Variants in SNX10 observed in about 807,000 individuals in gnomAD.
SNX10 encodes the protein sorting nexin-10.
A neutral mutation model predicts 28.5 loss-of-function variants in SNX10; 25 were observed. The observed-to-expected ratio is 0.88, with a 90% CI of 0.64 to 1.22. The LOEUF (loss-of-function observed/expected upper bound fraction) is 1.22. Among genes scored for constraint, SNX10 ranks in the 50% most tolerant of loss-of-function variants. The pLI, the probability that SNX10 is intolerant of heterozygous loss-of-function variation, is 0.00. For missense variants in SNX10, 223 were observed against 242.6 expected, an observed-to-expected ratio of 0.92 and a Z score of 0.54; for synonymous variants, 62 against 81.4, an observed-to-expected ratio of 0.76 and a Z score of 1.28.
intron 1 of SNX10, 62 bp downstream of exon 1, chr7:26,292,148 C>T (rs1785947605): frequency 6.6e-6 from 1 of 152,564 alleles, no homozygotes; most frequent in Non-Finnish European, 1.5e-5. Context: ...GGACGGCGGC[C>T]CTTCTTTCCA....
At position 26,346,369 on chromosome 7, in the gene SNX10, A is replaced by G; in HGVS notation, c.-23-51A>G. 4.4e-6 allele frequency: 5 copies of G among 1,138,668 alleles called. 1 individual carries two copies. The South Asian group carries it at 4.9e-5, about 11-fold the overall frequency. 70.5% of individuals were successfully genotyped at this position (1,138,668 alleles called of 1,614,324 possible). A position where few individuals can be genotyped will look rare whatever the true frequency, so the allele number is the denominator to read the frequency against. ...GTGGGAGGCCATGAGTGGTGTATCC[A>G]CTCCAGTTTGGAGGTTCCAAATGAC... On this transcript the variant is annotated intron_variant, in intron 1 of 6. Coordinates refer to ENST00000338523, the MANE Select transcript of SNX10 (RefSeq NM_013322.3).
intron 3 of SNX10, among the ~76,000 whole-genome samples, chr7:26,362,948 G>A (rs1361530705): frequency 6.6e-6 from 1 of 152,186 alleles, no homozygotes; most frequent in African/African-American, 2.4e-5. Flanking sequence ...TGGTGGTTGT[G>A]AGCAGAGAAA....
intron 1 of SNX10, among the ~76,000 whole-genome samples, chr7:26,307,676 C>T (rs1395748463): frequency 1.4e-5 from 2 of 139,166 alleles, no homozygotes; most frequent in African/African-American, 6.6e-5. Flanking sequence ...CCCAGGCTAG[C>T]ATTCTTTTTT....
intron 1 of SNX10, among the ~76,000 whole-genome samples, chr7:26,297,749 A>T (rs1051372508): frequency 1.3e-5 from 2 of 152,090 alleles, no homozygotes; most frequent in Non-Finnish European, 2.9e-5. Flanking sequence ...ATACATGTAA[A>T]ATATCAAGAA....
chr7:26,371,333 A>G (rs1178364669), intron 5 of SNX10, among the ~76,000 whole-genome samples: 1 of 152,168 alleles, frequency 6.6e-6, no homozygotes, highest in African/African-American at 2.4e-5. Context: ...CCTTAAGTAT[A>G]TAACTGTAAA....
In SNX10 at chr7:26,371,914, T is replaced by C. The variant is rs1789559865; in HGVS notation, c.405T>C (p.Ser135=). The stretch of plus-strand genomic sequence containing the variant: ...CAGAAGACATTGAGGCGTGTGTTTC[T>C]GGGCAGACTAAGTACTCTGTGGAAG... ...LNSEDIEACV[S]GQTKYSVEEA... Residue 135 remains serine (S), a synonymous_variant, in exon 6 of 7, where the codon TCT becomes TCC. Coordinates refer to ENST00000338523, the MANE Select transcript of SNX10 (RefSeq NM_013322.3). 1.2e-6 allele frequency: 2 copies of C among 1,613,780 alleles called. No homozygotes were observed. Among genetic ancestry groups the C allele is most frequent in the Non-Finnish European group, 1.7e-6 (2 of 1,179,704 alleles).
chr7:26,301,946 C>T (rs1312006382), intron 1 of SNX10, among the ~76,000 whole-genome samples: 4 of 152,192 alleles, frequency 2.6e-5, no homozygotes, highest in East Asian at 1.9e-4. Context: ...CTGGGTACAT[C>T]GTTAGGCATA....
rs538612862 is a variant in SNX10, at chr7:26,322,488, A to G, written c.-23-23932A>G. On this transcript the variant is annotated intron_variant, in intron 1 of 6. Transcript: ENST00000338523. Reference sequence around the variant, plus strand: ...CCAGTGCATTGTCTTTCTTTTCCCCAATTTGTTATTAAAAACTTGGTCATA... The same window carrying G: ...CCAGTGCATTGTCTTTCTTTTCCCCGATTTGTTATTAAAAACTTGGTCATA... Among the ~76,000 whole-genome samples, 47 of 152,286 alleles carry G rather than the reference A, an allele frequency of 3.1e-4. No homozygotes were observed. The South Asian group carries it at 3.7e-3, about 12-fold the overall frequency.
At chr7:26,302,364 C>G (rs1786403551) in intron 1 of SNX10, among the ~76,000 whole-genome samples, 1 of 152,156 alleles carries the variant, frequency 6.6e-6, no homozygotes, top group Non-Finnish European at 1.5e-5. Context: ...AACTCCTTTG[C>G]AGGCAGGAGA....
intron 1 of SNX10, among the ~76,000 whole-genome samples, chr7:26,306,412 AT>A (rs35204396): frequency 0.05 from 7,145 of 142,118 alleles, 252 homozygotes; most frequent in East Asian, 0.21. Flanking sequence ...CTTGAAGAGA[AT>A]TTTTTTTTTT....
At chr7:26,359,387 C>G (rs73068481) in intron 2 of SNX10, among the ~76,000 whole-genome samples, 2,627 of 152,086 alleles carry the variant, frequency 0.017, 44 homozygotes, top group Middle Eastern at 0.044. Flanking sequence ...TCCAGAAAGC[C>G]CCCGATCTCT....
chr7:26,300,925 G>A (rs1178688937), intron 1 of SNX10, among the ~76,000 whole-genome samples: 1 of 149,172 alleles, frequency 6.7e-6, no homozygotes, highest in Non-Finnish European at 1.5e-5. Context: ...AGGCTGCGAT[G>A]GGAGAATCAC....
chr7:26,349,427 T>C (rs1194258567), intron 2 of SNX10, among the ~76,000 whole-genome samples: 2 of 151,906 alleles, frequency 1.3e-5, no homozygotes, highest in Non-Finnish European at 2.9e-5. Flanking sequence ...GTAATAAATC[T>C]AGAAAGAGGA....
rs35008982 is a variant in SNX10 at position 26,363,663 on chromosome 7, T to C, written c.112-872T>C. ...AAGGAGAATATTTACTCTCGTCTTA[T>C]GTTTACCCAAAGGAGAAGCATTGTG... On this transcript the variant is annotated intron_variant, in intron 3 of 6. Transcript: ENST00000338523. Among the ~76,000 whole-genome samples the C allele has an allele frequency of 2.7e-3, 418 of 152,320 alleles. 2 individuals carry two copies. Among genetic ancestry groups the C allele is most frequent in the Non-Finnish European group, 4.4e-3 (301 of 68,028 alleles).
At chr7:26,304,485 C>T (rs1195648010) in intron 1 of SNX10, among the ~76,000 whole-genome samples, 1 of 152,180 alleles carries the variant, frequency 6.6e-6, no homozygotes, top group African/African-American at 2.4e-5. Context: ...TCCAGTCCTG[C>T]CATGTGTCCA....
chr7:26,312,559 T>G (rs1471291038), intron 1 of SNX10, among the ~76,000 whole-genome samples: 1 of 152,112 alleles, frequency 6.6e-6, no homozygotes, highest in African/African-American at 2.4e-5. Flanking sequence ...GCCGAGGCTG[T>G]CGGATCACAA....
intron 1 of SNX10, among the ~76,000 whole-genome samples, chr7:26,338,608 G>A (rs544001255): frequency 2.0e-5 from 3 of 152,220 alleles, no homozygotes. Flanking sequence ...TCACCGTGTT[G>A]TTAGCCAGGA....
intron 1 of SNX10, among the ~76,000 whole-genome samples, chr7:26,325,328 T>TATATATATATATATATATA (rs56716262): frequency 1.3e-3 from 161 of 122,982 alleles, no homozygotes; most frequent in Middle Eastern, 3.9e-3. Flanking sequence ...TATATATATA[T>TATATATATATATATATATA]TTGAGATGGA....
chr7:26,315,102 T>C (rs1471860205), intron 1 of SNX10, among the ~76,000 whole-genome samples: 2 of 152,060 alleles, frequency 1.3e-5, no homozygotes, highest in African/African-American at 4.8e-5. Flanking sequence ...TCCACCAAAA[T>C]GAATCAGAAA....
Sources: allele counts gnomAD v4.1 joint callset (sites outside exome capture counted in the v4.1 genomes callset), GRCh38; gene constraint gnomAD v4.1.1; transcripts MANE v1.5; gene names NCBI Gene and HGNC (gene_info 2026-07-23, HGNC 2026-07-21).